The following SDC2 variants were observed in gnomAD, a reference collection of about 807,000 sequenced individuals.
SDC2 encodes the protein syndecan 2.
In SDC2, 13 loss-of-function variants were observed where a neutral mutation model predicts 22.2. That is an observed-to-expected ratio of 0.59 (90% confidence interval 0.38 to 0.93). SDC2 has a LOEUF of 0.93. SDC2 is among the 40% of genes least tolerant of loss of function. The probability of loss-of-function intolerance (pLI) is 0.00; values close to 1 mark genes in which losing one functional copy is unlikely to be tolerated. For missense variants in SDC2, 235 were observed against 246.8 expected (o/e 0.95, Z 0.32); for synonymous variants, 94 against 92.8 (o/e 1.01, Z -0.07).
At chr8:96,563,214 A>G (rs1814240280) in intron 1 of SDC2, among the ~76,000 whole-genome samples, 1 of 152,158 alleles carries the variant, frequency 6.6e-6, no homozygotes, top group African/African-American at 2.4e-5. Flanking sequence ...CTGTCTTGAC[A>G]GCCTTCCATC....
intron 1 of SDC2, chr8:96,529,267 A>C (rs1813624003): frequency 6.6e-6 from 1 of 152,222 alleles, no homozygotes; most frequent in Non-Finnish European, 1.5e-5. Context: ...GTCAATATTC[A>C]ATAGGTATGT....
At chr8:96,508,501 G>GA (rs1288021797) in intron 1 of SDC2, among the ~76,000 whole-genome samples, 10 of 94,284 alleles carry the variant, frequency 1.1e-4, no homozygotes, top group Admixed American at 6.9e-4. Context: ...TCAAAAAAAA[G>GA]AAAAAAAAAG....
chr8:96,547,672 CGTCTA>C (rs1262559224), intron 1 of SDC2, among the ~76,000 whole-genome samples: 1 of 151,284 alleles, frequency 6.6e-6, no homozygotes, highest in Admixed American at 6.6e-5. Context: ...AAAGCATGAG[CGTCTA>C]GGTTTAAAGG....
Position 96,602,469 on chromosome 8 carries a change from G to C in SDC2, c.247G>C (p.Ala83Pro), listed in dbSNP as rs11541833. Residue 83 changes from alanine to proline, a missense_variant, in exon 3 of 5, where the codon GCT (alanine) becomes CCT (proline). By Grantham distance (27) the Ala-to-Pro change is conservative. Transcript: ENST00000302190. ...TCCAAAGATACTGTTGACTAGTGCT[G>C]CTCCAAAAGTGGAAACCACGACGCT... ...PLPKILLTSA[A>P]PKVETTTLNI... The C allele has an allele frequency of 6.2e-7, 1 of 1,614,120 alleles. No homozygotes were observed. Among genetic ancestry groups the C allele is most frequent in the Non-Finnish European group, 8.5e-7 (1 of 1,179,984 alleles).
chr8:96,558,986 G>A (rs564013700), intron 1 of SDC2, among the ~76,000 whole-genome samples: 2 of 152,208 alleles, frequency 1.3e-5, no homozygotes, highest in African/African-American at 2.4e-5. Context: ...TGGATTGCCA[G>A]TGGAGGAGCT....
chr8:96,561,845 G>T (rs1308655008), intron 1 of SDC2, among the ~76,000 whole-genome samples: 1 of 152,218 alleles, frequency 6.6e-6, no homozygotes, highest in African/African-American at 2.4e-5. Flanking sequence ...TAAGAGGGCA[G>T]ACCACTTGCC....
At chr8:96,557,850 A>G (rs1814144799) in intron 1 of SDC2, among the ~76,000 whole-genome samples, 1 of 152,214 alleles carries the variant, frequency 6.6e-6, no homozygotes, top group Non-Finnish European at 1.5e-5. Context: ...CCTTGAACCA[A>G]GAACACACTG....
chr8:96,542,563 TTC>T (rs1182831462), intron 1 of SDC2, among the ~76,000 whole-genome samples: 1 of 152,064 alleles, frequency 6.6e-6, no homozygotes, highest in African/African-American at 2.4e-5. Context: ...TCTCAAAGAA[TTC>T]TCTGTCAGGT....
intron 1 of SDC2, among the ~76,000 whole-genome samples, chr8:96,558,571 GA>G (rs1409541504): frequency 6.6e-6 from 1 of 152,150 alleles, no homozygotes; most frequent in Non-Finnish European, 1.5e-5. Flanking sequence ...ATTTTTAAAT[GA>G]AATGTCTCTA....
Position 96,602,459 on chromosome 8 carries a change from G to A in SDC2, c.237G>A (p.Leu79=), listed in dbSNP as rs143349994. 4 of 1,613,962 alleles carry A rather than the reference G, an allele frequency of 2.5e-6. No homozygotes were observed. The African/African-American group carries it at 5.3e-5, about 22-fold the overall frequency. ...CTCGACCACTTCCAAAGATACTGTT[G>A]ACTAGTGCTGCTCCAAAAGTGGAAA... ...TTSRPLPKIL[L]TSAAPKVETT... Residue 79 remains leucine, a synonymous_variant, in exon 3 of 5, where the codon TTG becomes TTA. Coordinates refer to ENST00000302190, the MANE Select transcript of SDC2 (RefSeq NM_002998.4).
chr8:96,601,707 T>C (rs1586325620), intron 2 of SDC2, among the ~76,000 whole-genome samples: 1 of 144,234 alleles, frequency 6.9e-6, no homozygotes, highest in African/African-American at 2.6e-5. Context: ...TCACATGAAA[T>C]AAGGAGTCAG....
chr8:96,511,155 G>A (rs1813321258), intron 1 of SDC2, among the ~76,000 whole-genome samples: 1 of 152,150 alleles, frequency 6.6e-6, no homozygotes, highest in Non-Finnish European at 1.5e-5. Flanking sequence ...CCTTCTGCAT[G>A]CTAACGTTCG....
At chr8:96,526,459 T>A (rs892354413) in intron 1 of SDC2, among the ~76,000 whole-genome samples, 5 of 152,186 alleles carry the variant, frequency 3.3e-5, no homozygotes, top group African/African-American at 4.8e-5. Flanking sequence ...TACAGAAACT[T>A]CTTCTCTCCC....
intron 1 of SDC2, among the ~76,000 whole-genome samples, chr8:96,504,616 G>T (rs1399120864): frequency 6.6e-6 from 1 of 152,114 alleles, no homozygotes; most frequent in East Asian, 1.9e-4. Context: ...CATAGTAGGT[G>T]ATTTAAACCT....
intron 1 of SDC2, among the ~76,000 whole-genome samples, chr8:96,496,881 G>T (rs1043972245): frequency 6.6e-6 from 1 of 152,214 alleles, no homozygotes; most frequent in African/African-American, 2.4e-5. Flanking sequence ...TGTTCCTAGT[G>T]ATCCATTCAT....
intron 1 of SDC2, among the ~76,000 whole-genome samples, chr8:96,504,507 T>C (rs990759671): frequency 7.9e-5 from 12 of 152,210 alleles, no homozygotes; most frequent in African/African-American, 2.9e-4. Context: ...TCCATGCTTG[T>C]TTCTTCAGTG....
chr8:96,494,351 G>A lies in SDC2; in HGVS notation c.60+20G>A. 6.5e-7 allele frequency: 1 copy of A among 1,537,872 alleles called. No homozygotes were observed. The stretch of plus-strand genomic sequence containing the variant: ...GAGTCGGTGAGTGGGCCAGGCGGAG[G>A]ATGCGCGCGCCGTTTAGGGTGTTTG... On this transcript the variant is annotated intron_variant, in intron 1 of 4. Transcript: ENST00000302190.
At chr8:96,541,067 T>TTTAC (rs1364351609) in intron 1 of SDC2, among the ~76,000 whole-genome samples, 1 of 151,872 alleles carries the variant, frequency 6.6e-6, no homozygotes, top group East Asian at 1.9e-4. Flanking sequence ...TTAAAAGGTA[T>TTTAC]TATAGATAAA....
At chr8:96,551,329 G>A (rs1173554630) in intron 1 of SDC2, among the ~76,000 whole-genome samples, 3 of 152,154 alleles carry the variant, frequency 2.0e-5, no homozygotes, top group Non-Finnish European at 4.4e-5. Context: ...CCTCTTTTCA[G>A]TAGGACAGTA....
Sources: gnomAD v4.1 joint callset for allele counts (sites outside exome capture counted in the v4.1 genomes callset) on GRCh38, gnomAD v4.1.1 for gene constraint, MANE v1.5 for transcripts, NCBI Gene and HGNC (gene_info 2026-07-23, HGNC 2026-07-21) for gene names.